HS6ST3: variants seen among roughly 807,000 people sequenced by gnomAD.
The protein encoded by HS6ST3 is heparan-sulfate 6-O-sulfotransferase 3.
HS6ST3 carries 12 observed loss-of-function variants against 36.7 expected under a neutral mutation model. That is an observed-to-expected ratio of 0.33 (90% CI 0.21 to 0.53). The LOEUF is 0.53. Ranked by LOEUF, HS6ST3 falls within the 20% of genes least tolerant of loss-of-function variation. The pLI, the probability that HS6ST3 is intolerant of heterozygous loss-of-function variation, is 0.95. For synonymous variants in HS6ST3, 240 were observed against 257.5 expected (o/e 0.93, Z 0.65); for missense variants, 584 against 640.9 (o/e 0.91, Z 0.96).
intron 1 of HS6ST3, among the ~76,000 whole-genome samples, chr13:96,137,045 A>G (rs906864034): frequency 1.3e-5 from 2 of 152,140 alleles, no homozygotes; most frequent in African/African-American, 4.8e-5. Flanking sequence ...TATAACTAAT[A>G]TATGATGAAA....
chr13:96,708,850 T>C (rs1875492822), intron 1 of HS6ST3, among the ~76,000 whole-genome samples: 1 of 152,204 alleles, frequency 6.6e-6, no homozygotes, highest in Non-Finnish European at 1.5e-5. Context: ...CAGTTGTTAA[T>C]GGATGGAAGA....
In HS6ST3 at chr13:96,407,909, T is replaced by A. The variant is rs560780957; in HGVS notation, c.707+316340T>A. Among the ~76,000 whole-genome samples the A allele has an allele frequency of 3.4e-4, 52 of 152,274 alleles. No homozygotes were observed. In the South Asian group the frequency reaches 9.7e-3, roughly 29 times the overall value. On this transcript the variant is annotated intron_variant, in intron 1 of 1. Coordinates refer to ENST00000376705, the MANE Select transcript of HS6ST3 (RefSeq NM_153456.4). ...GGAAGATTTGGTTACAACTCCAAACTCCCATATTGATAATATTCAGGATTT... is the reference window on the plus strand; with the variant it reads ...GGAAGATTTGGTTACAACTCCAAACACCCATATTGATAATATTCAGGATTT...
intron 1 of HS6ST3, among the ~76,000 whole-genome samples, chr13:96,522,174 T>C (rs774921576): frequency 4.6e-5 from 7 of 152,256 alleles, no homozygotes; most frequent in Non-Finnish European, 1.0e-4. Flanking sequence ...GTGAGTTTCT[T>C]AATCCTGAGT....
chr13:96,708,288 G>T (rs1183184671), intron 1 of HS6ST3, among the ~76,000 whole-genome samples: 1 of 152,090 alleles, frequency 6.6e-6, no homozygotes, highest in African/African-American at 2.4e-5. Flanking sequence ...CTTTGCATTA[G>T]GGTTTCTGAA....
chr13:96,628,465 G>T (rs1012899190), intron 1 of HS6ST3, among the ~76,000 whole-genome samples: 4 of 151,952 alleles, frequency 2.6e-5, no homozygotes, highest in African/African-American at 9.6e-5. Context: ...TCTTAAAGAG[G>T]AGGCTATATT....
chr13:96,678,781 A>G (rs764083236), intron 1 of HS6ST3, among the ~76,000 whole-genome samples: 22 of 152,126 alleles, frequency 1.4e-4, no homozygotes, highest in Non-Finnish European at 2.5e-4. Flanking sequence ...TTGCTTAGAT[A>G]TAGATTCTGA....
rs560225592 is a variant in HS6ST3, at chr13:96,646,103, G to T, written c.708-186387G>T. Reference sequence around the variant, plus strand: ...AGAAACAGACGGACCAGTAATAAAAGCCTCCATTTAGAGGGCTAAAAAATA... The same window carrying T: ...AGAAACAGACGGACCAGTAATAAAATCCTCCATTTAGAGGGCTAAAAAATA... On this transcript the variant is annotated intron_variant, in intron 1 of 1. Transcript: ENST00000376705. Among the ~76,000 whole-genome samples the T allele has an allele frequency of 1.7e-3, 254 of 152,066 alleles. 2 individuals carry two copies. Among genetic ancestry groups the T allele is most frequent in the African/African-American group, 6.0e-3 (249 of 41,504 alleles).
intron 1 of HS6ST3, among the ~76,000 whole-genome samples, chr13:96,146,758 G>A (rs1383514436): frequency 2.6e-5 from 4 of 152,042 alleles, no homozygotes; most frequent in African/African-American, 9.7e-5. Context: ...TACATTTCTT[G>A]GAAAAATTGT....
chr13:96,510,155 T>A (rs913808019), intron 1 of HS6ST3, among the ~76,000 whole-genome samples: 2 of 150,438 alleles, frequency 1.3e-5, no homozygotes, highest in Non-Finnish European at 3.0e-5. Flanking sequence ...GCAGCTGTTG[T>A]AAAAGGAATT....
intron 1 of HS6ST3, among the ~76,000 whole-genome samples, chr13:96,464,161 A>AAAAAAAAAAAAAAAAAAAAAAAAAAAC (rs2055800544): frequency 1.4e-5 from 2 of 143,564 alleles, no homozygotes; most frequent in Non-Finnish European, 1.5e-5. Flanking sequence ...AAAAAAAAAA[A>AAAAAAAAAAAAAAAAAAAAAAAAAAAC]TCAAAGATCT....
intron 1 of HS6ST3, among the ~76,000 whole-genome samples, chr13:96,194,015 G>A (rs779788000): frequency 3.9e-5 from 6 of 152,116 alleles, no homozygotes; most frequent in South Asian, 2.1e-4. Context: ...GTTATTGGAC[G>A]TTTACAATGG....
chr13:96,596,007 A>G (rs887801121), intron 1 of HS6ST3, among the ~76,000 whole-genome samples: 6 of 152,084 alleles, frequency 3.9e-5, no homozygotes, highest in Non-Finnish European at 1.5e-5. Flanking sequence ...GATGAATTGT[A>G]TATTGCTGAG....
intron 1 of HS6ST3, among the ~76,000 whole-genome samples, chr13:96,458,260 C>T (rs1464902845): frequency 6.6e-6 from 1 of 151,868 alleles, no homozygotes; most frequent in Non-Finnish European, 1.5e-5. Context: ...ATGCCAAATT[C>T]TGTTTTTCTG....
rs983300307 is a variant in HS6ST3 at position 96,604,577 on chromosome 13, A to G, written c.708-227913A>G. ...AGATGTAAATGGCATCAATGATAATATAACACTTTGTTAAGAGTATAATGA... is the reference window on the plus strand; with the variant it reads ...AGATGTAAATGGCATCAATGATAATGTAACACTTTGTTAAGAGTATAATGA... On this transcript the variant is annotated intron_variant, in intron 1 of 1. Transcript: ENST00000376705. Among the ~76,000 whole-genome samples, 50 of 152,210 alleles carry G rather than the reference A, an allele frequency of 3.3e-4. 1 individual carries two copies. Among genetic ancestry groups the G allele is most frequent in the Admixed American group, 3.1e-3 (47 of 15,284 alleles).
chr13:96,162,443 A>G (rs551897558), intron 1 of HS6ST3, among the ~76,000 whole-genome samples: 24 of 152,322 alleles, frequency 1.6e-4, no homozygotes, highest in African/African-American at 5.8e-4. Context: ...ATTTGTGGGC[A>G]AAGCGTTTAT....
chr13:96,613,584 T>C (rs528431457), intron 1 of HS6ST3, among the ~76,000 whole-genome samples: 1 of 152,370 alleles, frequency 6.6e-6, no homozygotes, highest in Non-Finnish European at 1.5e-5. Flanking sequence ...TATAGAAATA[T>C]AATGATAAAA....
chr13:96,766,857 C>CCGT (rs1433909914), intron 1 of HS6ST3, among the ~76,000 whole-genome samples: 1 of 152,094 alleles, frequency 6.6e-6, no homozygotes. Context: ...AACTTTGTCC[C>CCGT]GTTAGAACCC....
intron 1 of HS6ST3, among the ~76,000 whole-genome samples, chr13:96,623,523 C>G (rs1004375735): frequency 1.3e-5 from 2 of 151,834 alleles, no homozygotes; most frequent in Non-Finnish European, 1.5e-5. Flanking sequence ...GGATATGTAG[C>G]CAGTCTTGTT....
rs768363764 is a variant in HS6ST3 at position 96,304,593 on chromosome 13, C to T, written c.707+213024C>T. On this transcript the variant is annotated intron_variant, in intron 1 of 1. Coordinates refer to ENST00000376705, the MANE Select transcript of HS6ST3 (RefSeq NM_153456.4). ...TCTTTGGAGGACACTGAGAACTCAC[C>T]GATTGCCTGAGGAAGAAGAAAGAGA... is the stretch of plus-strand genomic sequence containing the variant. Among the ~76,000 whole-genome samples the T allele has an allele frequency of 7.9e-5, 12 of 151,398 alleles. No homozygotes were observed. The East Asian group carries it at 1.4e-3, about 17-fold the overall frequency.
Sources: allele counts gnomAD v4.1 joint callset (sites outside exome capture counted in the v4.1 genomes callset), GRCh38; gene constraint gnomAD v4.1.1; transcripts MANE v1.5; gene names NCBI Gene and HGNC (gene_info 2026-07-23, HGNC 2026-07-21).